The following DTWD2 variants were observed in gnomAD, a reference collection of about 807,000 sequenced individuals.
DTWD2 encodes the protein DTW motif tRNA-uridine aminocarboxypropyltransferase 2.
A neutral mutation model predicts 31.8 loss-of-function variants in DTWD2; 39 were observed. The observed-to-expected ratio is 1.22, with a 90% CI of 0.95 to 1.60. The LOEUF (loss-of-function observed/expected upper bound fraction) is 1.60, where lower values mean the gene tolerates loss of function less well. Ranked by LOEUF, DTWD2 falls within the 40% of genes most tolerant of loss-of-function variation. The pLI, the probability that DTWD2 is intolerant of heterozygous loss-of-function variation, is 0.00. For missense variants in DTWD2, 515 were observed against 381.5 expected (o/e 1.35, Z -2.92); for synonymous variants, 180 against 142.8 (o/e 1.26, Z -1.86).
rs541115198 is a variant in DTWD2 at position 118,974,592 on chromosome 5, T to A, written c.218+13702A>T. Reference sequence around the variant, plus strand: ...AAATGACAACAGAAAAACAATCTTATTCCGAGCATTCCAGTAACTTTTTTG... The same window carrying A: ...AAATGACAACAGAAAAACAATCTTAATCCGAGCATTCCAGTAACTTTTTTG... On this transcript the variant is annotated intron_variant, in intron 1 of 5. Transcript: ENST00000510708. 34 of 506,948 alleles carry A rather than the reference T, an allele frequency of 6.7e-5. 1 individual carries two copies. The highest frequency in any genetic ancestry group is 5.1e-4 in the South Asian group (34 of 66,138). The allele number at this position is 506,948 out of a possible 1,614,324, so 31.4% of individuals were successfully genotyped here.
chr5:118,846,840 T>G (rs1751865122), intron 5 of DTWD2, among the ~76,000 whole-genome samples: 1 of 151,700 alleles, frequency 6.6e-6, no homozygotes, highest in Non-Finnish European at 1.5e-5. Context: ...TAAGAATCTA[T>G]GTTCCTTCAT....
chr5:118,879,935 A>T (rs747971208), intron 4 of DTWD2, among the ~76,000 whole-genome samples: 31 of 152,226 alleles, frequency 2.0e-4, no homozygotes, highest in Non-Finnish European at 3.8e-4. Context: ...AAACCTGCCC[A>T]TGTACCCCTA....
At chr5:118,987,887 A>G (rs1441531346) in intron 1 of DTWD2, among the ~76,000 whole-genome samples, 27 of 152,204 alleles carry the variant, frequency 1.8e-4, no homozygotes, top group Admixed American at 1.8e-3. Context: ...CTGGTAGGAT[A>G]GGTAAAGGAG....
chr5:118,929,903 C>T (rs530147810), intron 3 of DTWD2, among the ~76,000 whole-genome samples: 187 of 152,288 alleles, frequency 1.2e-3, no homozygotes, highest in African/African-American at 4.3e-3. Context: ...ATGAAGGCTG[C>T]TATCGGTGCG....
intron 4 of DTWD2, among the ~76,000 whole-genome samples, chr5:118,869,926 T>TTTAGA (rs1752465193): frequency 6.6e-6 from 1 of 152,042 alleles, no homozygotes; most frequent in South Asian, 2.1e-4. Context: ...CTTAGAACCA[T>TTTAGA]CCCCTTGATG....
At chr5:118,923,359 G>T (rs983045851) in intron 4 of DTWD2, among the ~76,000 whole-genome samples, 2 of 152,174 alleles carry the variant, frequency 1.3e-5, no homozygotes, top group Admixed American at 6.5e-5. Flanking sequence ...TTAGTTGAAT[G>T]CAGATGCCAG....
At chr5:118,916,591 G>A (rs1185587148) in intron 4 of DTWD2, among the ~76,000 whole-genome samples, 1 of 151,680 alleles carries the variant, frequency 6.6e-6, no homozygotes, top group Non-Finnish European at 1.5e-5. Context: ...CTTGAACCCG[G>A]GATGCGGAGG....
chr5:118,897,138 G>A (rs1222253898), intron 4 of DTWD2, among the ~76,000 whole-genome samples: 4 of 152,194 alleles, frequency 2.6e-5, no homozygotes, highest in Admixed American at 6.5e-5. Context: ...GGAACTCACG[G>A]TTAATATTTA....
intron 4 of DTWD2, among the ~76,000 whole-genome samples, chr5:118,876,946 A>G (rs73236960): frequency 0.011 from 1,646 of 152,342 alleles, 33 homozygotes; most frequent in African/African-American, 0.038. Context: ...ACAGGCAACT[A>G]TTCTTGATGA....
chr5:118,935,416 C>A (rs891330967), intron 3 of DTWD2, among the ~76,000 whole-genome samples: 4 of 152,158 alleles, frequency 2.6e-5, no homozygotes, highest in Non-Finnish European at 4.4e-5. Flanking sequence ...GGGAACTGAG[C>A]CCTCATCCTG....
At chr5:118,844,455 C>G (rs1751800318) in intron 5 of DTWD2, among the ~76,000 whole-genome samples, 1 of 152,080 alleles carries the variant, frequency 6.6e-6, no homozygotes, top group Non-Finnish European at 1.5e-5. Flanking sequence ...TTTCTTTTGC[C>G]AATCTACAGG....
At chr5:118,904,161 TCA>T (rs1255837752) in intron 4 of DTWD2, among the ~76,000 whole-genome samples, 1 of 152,070 alleles carries the variant, frequency 6.6e-6, no homozygotes, top group Non-Finnish European at 1.5e-5. Context: ...ACCTATGCTG[TCA>T]CAGACTGTTA....
At chr5:118,890,017 T>C (rs538957480) in intron 4 of DTWD2, among the ~76,000 whole-genome samples, 1 of 152,320 alleles carries the variant, frequency 6.6e-6, no homozygotes, top group East Asian at 1.9e-4. Context: ...TAAATGTCAT[T>C]ATATAAAATA....
At chr5:118,863,307 T>A (rs1752309621) in intron 4 of DTWD2, among the ~76,000 whole-genome samples, 1 of 152,240 alleles carries the variant, frequency 6.6e-6, no homozygotes. Flanking sequence ...CAAGTATGCA[T>A]ATATTATATG....
At chr5:118,890,997 G>A (rs1752966307) in intron 4 of DTWD2, among the ~76,000 whole-genome samples, 1 of 151,176 alleles carries the variant, frequency 6.6e-6, no homozygotes, top group African/African-American at 2.4e-5. Context: ...TATGATGAGA[G>A]CTAAATATAA....
chr5:118,868,943 G>C (rs888235508), intron 4 of DTWD2, among the ~76,000 whole-genome samples: 3 of 151,692 alleles, frequency 2.0e-5, no homozygotes, highest in Non-Finnish European at 4.4e-5. Flanking sequence ...AAATAAGCTA[G>C]TCACAAAAAG....
chr5:118,954,560 C>T (rs1754543081), intron 1 of DTWD2, among the ~76,000 whole-genome samples: 1 of 152,146 alleles, frequency 6.6e-6, no homozygotes, highest in South Asian at 2.1e-4. Context: ...GTCACCCAGG[C>T]TGGAGTGCAG....
rs115190108 is a variant in DTWD2, at chr5:118,972,794, T to C, written c.218+15500A>G. ...ATCTGTCATGATCAAGTTGGCTTCA[T>C]CCCTGGGATCCAAGGTTGGTTCAAC... On this transcript the variant is annotated intron_variant, in intron 1 of 5. Transcript: ENST00000510708. Among the ~76,000 whole-genome samples the C allele has an allele frequency of 9.6e-3, 1,458 of 152,322 alleles. 22 individuals carry two copies. The highest frequency in any genetic ancestry group is 0.033 in the African/African-American group (1,383 of 41,566).
chr5:118,939,359 T>A (rs575910315), intron 2 of DTWD2, 69 bp from the exon 3 acceptor site: 6 of 1,271,324 alleles, frequency 4.7e-6, no homozygotes, highest in Admixed American at 3.0e-5. Flanking sequence ...TATTTTATAA[T>A]GAACATCTGA....
Sources: allele counts gnomAD v4.1 joint callset (sites outside exome capture counted in the v4.1 genomes callset), GRCh38; gene constraint gnomAD v4.1.1; transcripts MANE v1.5; gene names NCBI Gene and HGNC (gene_info 2026-07-23, HGNC 2026-07-21).